The following LPP variants were observed in gnomAD, a reference collection of about 807,000 sequenced individuals.
LPP encodes the protein LIM domain containing preferred translocation partner in lipoma, also known as lipoma-preferred partner.
In LPP, 38 loss-of-function variants were observed where a neutral mutation model predicts 60.4. The observed-to-expected ratio is 0.63, with a 90% CI of 0.49 to 0.83. The LOEUF (loss-of-function observed/expected upper bound fraction) is 0.83, where lower values mean the gene tolerates loss of function less well. LPP is among the 40% of genes least tolerant of loss of function. The pLI is 0.00. For missense variants in LPP, 902 were observed against 783.6 expected, an observed-to-expected ratio of 1.15 and a Z score of -1.80; for synonymous variants, 328 against 290.8, an observed-to-expected ratio of 1.13 and a Z score of -1.30.
intron 2 of LPP, among the ~76,000 whole-genome samples, chr3:188,302,562 T>TCCTCACATGCTG (rs1459296015): frequency 2.0e-5 from 3 of 152,214 alleles, no homozygotes; most frequent in Non-Finnish European, 2.9e-5. Context: ...AATGGGGTTT[T>TCCTCACATGCTG]CCTCACATGC....
chr3:188,657,897 T>C (rs1050115919), intron 7 of LPP, among the ~76,000 whole-genome samples: 4 of 152,204 alleles, frequency 2.6e-5, no homozygotes, highest in African/African-American at 9.6e-5. Context: ...CTTATAACAT[T>C]GTTAGAGTAG....
At position 188,441,765 on chromosome 3, in the gene LPP, C is replaced by T. The variant is rs560475318; in HGVS notation, c.193+35452C>T. The stretch of plus-strand genomic sequence containing the variant: ...CCTCCTGAGTAGTTGGTACTACAGG[C>T]GCCCGCCACCACGCCCGGCTAATTT... On this transcript the variant is annotated intron_variant, in intron 4 of 11. Coordinates refer to ENST00000617246, the MANE Select transcript of LPP (RefSeq NM_001375462.1). Among the ~76,000 whole-genome samples the T allele has an allele frequency of 3.1e-4, 47 of 151,298 alleles. 2 individuals are homozygous for T. In the South Asian group the frequency reaches 8.6e-3, roughly 28 times the overall value.
At chr3:188,163,788 A>C (rs1719083175) in intron 1 of LPP, among the ~76,000 whole-genome samples, 1 of 7,938 alleles carries the variant, frequency 1.3e-4, no homozygotes, top group Non-Finnish European at 2.1e-4. Flanking sequence ...CTAAATATAC[A>C]AAAAAAAAAA....
intron 2 of LPP, among the ~76,000 whole-genome samples, chr3:188,332,331 C>T (rs1377768296): frequency 6.6e-6 from 1 of 152,184 alleles, no homozygotes; most frequent in Non-Finnish European, 1.5e-5. Context: ...TTGCATGTCA[C>T]TTAACTCCTC....
intron 4 of LPP, among the ~76,000 whole-genome samples, chr3:188,460,432 T>C (rs1002556923): frequency 3.3e-5 from 5 of 152,178 alleles, no homozygotes; most frequent in African/African-American, 1.2e-4. Context: ...CCAGGAGAAG[T>C]TGGGACTTGA....
chr3:188,410,818 T>G (rs188839467), intron 4 of LPP, among the ~76,000 whole-genome samples: 1 of 152,284 alleles, frequency 6.6e-6, no homozygotes, highest in Admixed American at 6.5e-5. Context: ...TAGTGGTGAT[T>G]TCTGAGATTT....
chr3:188,397,472 G>C (rs149165055), intron 3 of LPP, among the ~76,000 whole-genome samples: 2 of 152,066 alleles, frequency 1.3e-5, no homozygotes, highest in Non-Finnish European at 2.9e-5. Flanking sequence ...TATTTGTTCC[G>C]TCCTTAACCT....
intron 7 of LPP, among the ~76,000 whole-genome samples, chr3:188,643,959 T>C (rs1850658732): frequency 6.6e-6 from 1 of 152,138 alleles, no homozygotes; most frequent in Non-Finnish European, 1.5e-5. Context: ...TTTAGAGGAA[T>C]TTTCATGAAC....
chr3:188,640,120 A>C (rs1165080505), intron 7 of LPP, among the ~76,000 whole-genome samples: 1 of 150,520 alleles, frequency 6.6e-6, no homozygotes, highest in Non-Finnish European at 1.5e-5. Context: ...AACCAACCCA[A>C]ATGTCCAACA....
At chr3:188,431,485 A>G (rs1790886795) in intron 4 of LPP, among the ~76,000 whole-genome samples, 1 of 152,190 alleles carries the variant, frequency 6.6e-6, no homozygotes, top group Admixed American at 6.5e-5. Context: ...TTATCTTAAA[A>G]TTTGATTTTG....
At chr3:188,763,786 T>A (rs1733168651) in intron 9 of LPP, among the ~76,000 whole-genome samples, 1 of 152,122 alleles carries the variant, frequency 6.6e-6, no homozygotes, top group South Asian at 2.1e-4. Flanking sequence ...GTAAATAACA[T>A]GCCTATAGAT....
intron 4 of LPP, among the ~76,000 whole-genome samples, chr3:188,483,678 A>T (rs1214604994): frequency 6.6e-6 from 1 of 152,096 alleles, no homozygotes; most frequent in African/African-American, 2.4e-5. Flanking sequence ...AATAACTCTG[A>T]CAGCAGTGTG....
chr3:188,630,454 G>A (rs1440006317), intron 7 of LPP, among the ~76,000 whole-genome samples: 2 of 152,116 alleles, frequency 1.3e-5, no homozygotes, highest in African/African-American at 4.8e-5. Flanking sequence ...TTATTAAAAA[G>A]TCAAAATTAA....
intron 8 of LPP, among the ~76,000 whole-genome samples, chr3:188,732,584 G>T (rs1385078698): frequency 1.3e-5 from 2 of 152,042 alleles, no homozygotes; most frequent in Admixed American, 1.3e-4. Context: ...TGGGCGTGGT[G>T]GTGGGCACCT....
At chr3:188,504,879 C>G (rs1314961513) in intron 5 of LPP, among the ~76,000 whole-genome samples, 1 of 151,838 alleles carries the variant, frequency 6.6e-6, no homozygotes, top group Non-Finnish European at 1.5e-5. Flanking sequence ...TGATAGTTGC[C>G]CCTTTTTCTT....
rs1427761445 is a variant in LPP at position 188,352,443 on chromosome 3, G to A, written c.-10+10724G>A. The stretch of plus-strand genomic sequence containing the variant: ...CCCCACAATAGAAGCTGTTGATGTG[G>A]TCACGTCAGTGCCTCTTCGGGAGCT... On this transcript the variant is annotated intron_variant, in intron 3 of 11. Coordinates refer to ENST00000617246, the MANE Select transcript of LPP (RefSeq NM_001375462.1). This position sits in a 1 kb window ranked among gnomAD's most constrained non-coding sequence, Gnocchi z 4.4. Among the ~76,000 whole-genome samples the A allele has an allele frequency of 2.6e-5, 4 of 152,184 alleles. No individual in the cohort carries two copies. The highest frequency in any genetic ancestry group is 2.9e-5 in the Non-Finnish European group (2 of 68,028).
At chr3:188,226,267 C>A (rs13094246) in intron 2 of LPP, among the ~76,000 whole-genome samples, 2 of 152,124 alleles carry the variant, frequency 1.3e-5, no homozygotes, top group African/African-American at 4.8e-5. Context: ...CCTCAGCCTC[C>A]CAAATTGCTG....
At chr3:188,155,249 T>C (rs979103699) in intron 1 of LPP, among the ~76,000 whole-genome samples, 8 of 152,082 alleles carry the variant, frequency 5.3e-5, no homozygotes, top group African/African-American at 1.9e-4. Context: ...GATCCACTGC[T>C]TTCCCTCCCC....
chr3:188,855,747 C>T (rs1200413049), intron 9 of LPP, among the ~76,000 whole-genome samples: 2 of 152,204 alleles, frequency 1.3e-5, no homozygotes, highest in Non-Finnish European at 2.9e-5. Flanking sequence ...CACTCCATTT[C>T]AAGGGACCAA....
Sources: allele counts gnomAD v4.1 joint callset (sites outside exome capture counted in the v4.1 genomes callset), GRCh38; gene constraint gnomAD v4.1.1; non-coding constraint Gnocchi (gnomAD v3.1); transcripts MANE v1.5; gene names NCBI Gene and HGNC (gene_info 2026-07-23, HGNC 2026-07-21).